The following HSD17B3 variants were observed in gnomAD, a reference collection of about 807,000 sequenced individuals.
HSD17B3 encodes the protein hydroxysteroid 17-beta dehydrogenase 3.
HSD17B3 carries 29 observed loss-of-function variants against 41.1 expected under a neutral mutation model. That is an observed-to-expected ratio of 0.71 (90% CI 0.53 to 0.96). The LOEUF (loss-of-function observed/expected upper bound fraction) is 0.96. Ranked by LOEUF, HSD17B3 falls within the 40% of genes least tolerant of loss-of-function variation. HSD17B3 has a pLI of 0.00. For synonymous variants in HSD17B3, 126 were observed against 145.6 expected, an observed-to-expected ratio of 0.87 and a Z score of 0.97; for missense variants, 323 against 374.6, an observed-to-expected ratio of 0.86 and a Z score of 1.14.
At chr9:96,300,752 C>G (rs1827566101) in intron 1 of HSD17B3, among the ~76,000 whole-genome samples, 1 of 152,114 alleles carries the variant, frequency 6.6e-6, no homozygotes, top group Non-Finnish European at 1.5e-5. Flanking sequence ...GGCTGAAGTT[C>G]TGCATGGGCG....
intron 2 of HSD17B3, among the ~76,000 whole-genome samples, chr9:96,281,677 G>GC (rs1448679645): frequency 1.3e-5 from 2 of 152,302 alleles, no homozygotes; most frequent in South Asian, 2.1e-4. Context: ...ACAGGATTAG[G>GC]CATGTACAGC....
At position 96,240,769 on chromosome 9, in the gene HSD17B3, G is replaced by T; in HGVS notation, c.811C>A (p.His271Asn). 2 of 1,614,168 alleles carry T rather than the reference G, an allele frequency of 1.2e-6. No homozygotes were observed. Among genetic ancestry groups the T allele is most frequent in the Non-Finnish European group, 1.7e-6 (2 of 1,180,032 alleles). Residue 271 changes from histidine to asparagine, a missense_variant, in exon 10 of 11, where the codon CAT becomes AAT. Physicochemically the swap from His to Asn is moderately conservative, Grantham distance 68. Transcript: ENST00000375263. ...AAGTTATCAATTACCAAGATTTCATGGGCAAGGCAGCCACAGGTTTCACCT... is the reference window on the plus strand; with the variant it reads ...AAGTTATCAATTACCAAGATTTCATTGGCAAGGCAGCCACAGGTTTCACCT... ...IGGETCGCLA[H>N]EILAGFLSLI...
At chr9:96,244,470 G>C in intron 8 of HSD17B3, 76 bp from the exon 9 acceptor site, 1 of 1,340,086 alleles carries the variant, frequency 7.5e-7, no homozygotes, top group Non-Finnish European at 1.1e-6. Flanking sequence ...TGACTTCAAG[G>C]GGCACTGCAG....
In HSD17B3 at chr9:96,285,556, G is replaced by C. The variant is rs372723560; in HGVS notation, c.201+12860C>G. Reference sequence around the variant, plus strand: ...AAGCCTTCTAATTTAGTTTACTTGGGATAATTTTACTTATTTTGCTTTGCT... The same window carrying C: ...AAGCCTTCTAATTTAGTTTACTTGGCATAATTTTACTTATTTTGCTTTGCT... On this transcript the variant is annotated intron_variant, in intron 2 of 10. Transcript: ENST00000375263. 1.1e-3 allele frequency among the ~76,000 whole-genome samples: 172 copies of C among 152,264 alleles called. 6 individuals are homozygous for C. In the South Asian group the frequency reaches 0.02, roughly 17 times the overall value.
intron 2 of HSD17B3, among the ~76,000 whole-genome samples, chr9:96,295,153 A>T (rs1293339573): frequency 7.0e-6 from 1 of 142,990 alleles, no homozygotes; most frequent in African/African-American, 2.6e-5. Context: ...ATTACAGGTA[A>T]GCACCACCAC....
At chr9:96,235,609 A>G (rs1836205575) in intron 10 of HSD17B3, 39 bp from the exon 11 acceptor site, 1 of 1,508,844 alleles carries the variant, frequency 6.6e-7, no homozygotes, top group Non-Finnish European at 9.2e-7. Context: ...GGAGGAAGGA[A>G]TAACAAGTAC....
rs1261489934 is a variant in HSD17B3, at chr9:96,263,694, A to G, written c.202-8751T>C. Among the ~76,000 whole-genome samples the G allele has an allele frequency of 4.6e-5, 7 of 152,102 alleles. No homozygotes were observed. In the East Asian group the frequency reaches 1.3e-3, roughly 29 times the overall value. The stretch of plus-strand genomic sequence containing the variant: ...CAGTGAGCAGAGATTGTGCCACTGC[A>G]CTCCAGCCTGGGCAACAGAGGGAGA... On this transcript the variant is annotated intron_variant, in intron 2 of 10. Coordinates refer to ENST00000375263, the MANE Select transcript of HSD17B3 (RefSeq NM_000197.2).
chr9:96,268,377 G>GT (rs1413127282), intron 2 of HSD17B3, among the ~76,000 whole-genome samples: 4 of 151,952 alleles, frequency 2.6e-5, no homozygotes. Flanking sequence ...AATTTGAAAA[G>GT]TTAGGTGAAA....
chr9:96,272,445 A>ATATATATC (rs1564048658), intron 2 of HSD17B3, among the ~76,000 whole-genome samples: 1 of 99,230 alleles, frequency 1.0e-5, no homozygotes, highest in African/African-American at 3.6e-5. Flanking sequence ...ATATATATAT[A>ATATATATC]TAAAATATAT....
chr9:96,265,601 A>G (rs1826021457), intron 2 of HSD17B3, among the ~76,000 whole-genome samples: 1 of 152,226 alleles, frequency 6.6e-6, no homozygotes. Flanking sequence ...TATTTTCAAG[A>G]GATAGCCTAA....
At chr9:96,246,630 A>G (rs774854788) in intron 6 of HSD17B3, 40 bp from the exon 7 acceptor site, 13 of 1,596,100 alleles carry the variant, frequency 8.1e-6, no homozygotes, top group Non-Finnish European at 1.0e-5. Flanking sequence ...CAAGGAACTA[A>G]GTAGCAGTGC....
chr9:96,243,773 T>G (rs1836544405), intron 9 of HSD17B3, among the ~76,000 whole-genome samples: 1 of 152,142 alleles, frequency 6.6e-6, no homozygotes, highest in Non-Finnish European at 1.5e-5. Flanking sequence ...ACAGGTCATC[T>G]CCACGATGAC....
chr9:96,255,927 GCAGT>G (rs1048453697), intron 2 of HSD17B3, among the ~76,000 whole-genome samples: 24 of 152,228 alleles, frequency 1.6e-4, no homozygotes, highest in African/African-American at 5.5e-4. Context: ...TTCACACAGA[GCAGT>G]CAGAGAGATT....
chr9:96,283,618 T>C (rs765775234), intron 2 of HSD17B3, among the ~76,000 whole-genome samples: 2 of 152,176 alleles, frequency 1.3e-5, no homozygotes, highest in Non-Finnish European at 2.9e-5. Flanking sequence ...TTAATAATTA[T>C]AATTGTTACA....
At chr9:96,258,014 G>T (rs966447057) in intron 2 of HSD17B3, among the ~76,000 whole-genome samples, 1 of 152,124 alleles carries the variant, frequency 6.6e-6, no homozygotes, top group South Asian at 2.1e-4. Flanking sequence ...AGCATCATTT[G>T]CTATGTTATG....
rs190537110 is a variant in HSD17B3 at position 96,264,503 on chromosome 9, C to G, written c.202-9560G>C. The stretch of plus-strand genomic sequence containing the variant: ...AATTAGAGTATGACTCCAGGGTAGA[C>G]CTGTTTTATTGTTGCTGGGTTGGTT... On this transcript the variant is annotated intron_variant, in intron 2 of 10. Transcript: ENST00000375263. Among the ~76,000 whole-genome samples the G allele has an allele frequency of 2.6e-5, 4 of 152,052 alleles. No individual in the cohort carries two copies. In the East Asian group the frequency reaches 7.7e-4, roughly 29 times the overall value.
At position 96,300,499 on chromosome 9, in the gene HSD17B3, T is replaced by C. The variant is rs560540427; in HGVS notation, c.154+1452A>G. On this transcript the variant is annotated intron_variant, in intron 1 of 10. Coordinates refer to ENST00000375263, the MANE Select transcript of HSD17B3 (RefSeq NM_000197.2). The stretch of plus-strand genomic sequence containing the variant: ...TTTTTTTCTGAAATTTAAATTTAAC[T>C]GGGTATCCTGTATTTTATCTGGCAG... 1.4e-5 allele frequency among the ~76,000 whole-genome samples: 2 copies of C among 141,908 alleles called. 1 individual carries two copies. The highest frequency in any genetic ancestry group is 4.8e-4 in the South Asian group (2 of 4,156). The allele number at this position is 141,908 out of a possible 152,430, so 93.1% of individuals were successfully genotyped here.
intron 2 of HSD17B3, among the ~76,000 whole-genome samples, chr9:96,293,385 T>C (rs368996858): frequency 2.7e-4 from 41 of 152,278 alleles, no homozygotes; most frequent in African/African-American, 7.9e-4. Context: ...TGTCACCTGA[T>C]AGATGGCCTG....
chr9:96,247,671 T>C (rs2476921), intron 6 of HSD17B3, among the ~76,000 whole-genome samples: 40,025 of 152,084 alleles, frequency 0.26, 5,523 homozygotes, highest in Middle Eastern at 0.32. Context: ...AGGGATATTA[T>C]ATGAGCCTTG....
Sources: allele counts gnomAD v4.1 joint callset (sites outside exome capture counted in the v4.1 genomes callset), GRCh38; gene constraint gnomAD v4.1.1; transcripts MANE v1.5; gene names NCBI Gene and HGNC (gene_info 2026-07-23, HGNC 2026-07-21).